SLAMF1: variants seen among roughly 807,000 people sequenced by gnomAD.
The protein encoded by SLAMF1 is signaling lymphocytic activation molecule.
Under a neutral mutation model 35.1 loss-of-function variants are expected in SLAMF1, and 18 were observed. The ratio of observed to expected loss-of-function variants is 0.51; its 90% CI spans 0.35 to 0.76. The LOEUF is 0.76. Ranked by LOEUF, SLAMF1 falls within the 30% of genes least tolerant of loss-of-function variation. The pLI is 0.01. For synonymous variants in SLAMF1, 168 were observed against 157.2 expected, an observed-to-expected ratio of 1.07 and a Z score of -0.51; for missense variants, 392 against 413.0, an observed-to-expected ratio of 0.95 and a Z score of 0.44.
chr1:160,624,539 G>A (rs1659781733), intron 3 of SLAMF1, among the ~76,000 whole-genome samples: 1 of 152,158 alleles, frequency 6.6e-6, no homozygotes. Flanking sequence ...AATGTGTCCT[G>A]TATCCATTTT....
At chr1:160,630,768 G>C (rs1660123958) in intron 3 of SLAMF1, among the ~76,000 whole-genome samples, 1 of 151,970 alleles carries the variant, frequency 6.6e-6, no homozygotes, top group Admixed American at 6.6e-5. Flanking sequence ...AAGACTGATG[G>C]TGTCACTCCT....
chr1:160,641,742 G>A (rs1469375143), intron 1 of SLAMF1, among the ~76,000 whole-genome samples: 1 of 152,170 alleles, frequency 6.6e-6, no homozygotes, highest in Non-Finnish European at 1.5e-5. Context: ...GGGCTTTAAA[G>A]TGGTTCATAA....
intron 1 of SLAMF1, among the ~76,000 whole-genome samples, chr1:160,640,337 T>TA (rs1391155534): frequency 7.8e-6 from 1 of 128,626 alleles, no homozygotes; most frequent in African/African-American, 3.5e-5. Flanking sequence ...TATATATATA[T>TA]ATATATATAT....
chr1:160,616,869 A>G (rs1051551097), intron 5 of SLAMF1, among the ~76,000 whole-genome samples: 11 of 152,222 alleles, frequency 7.2e-5, no homozygotes, highest in African/African-American at 2.7e-4. Flanking sequence ...ATGCATAGCA[A>G]TTGAGGCCAG....
intron 3 of SLAMF1, among the ~76,000 whole-genome samples, chr1:160,629,628 C>G (rs1042602686): frequency 1.3e-5 from 2 of 152,158 alleles, no homozygotes; most frequent in African/African-American, 4.8e-5. Context: ...ACGGAGTTCA[C>G]AGCTTCCAGA....
At chr1:160,616,290 T>C (rs955591262) in intron 5 of SLAMF1, among the ~76,000 whole-genome samples, 1 of 152,266 alleles carries the variant, frequency 6.6e-6, no homozygotes, top group South Asian at 2.1e-4. Context: ...TTACTTATTT[T>C]TTTAAGGACA....
intron 6 of SLAMF1, 76 bp downstream of exon 6, chr1:160,612,410 TAA>T (rs200238058): frequency 5.6e-5 from 44 of 780,042 alleles, no homozygotes; most frequent in Admixed American, 8.5e-5. Context: ...CTTCCCACCT[TAA>T]AAAAAAAAAA....
At chr1:160,626,764 CT>C (rs1558008222) in intron 3 of SLAMF1, among the ~76,000 whole-genome samples, 1 of 152,080 alleles carries the variant, frequency 6.6e-6, no homozygotes, top group African/African-American at 2.4e-5. Context: ...TGACTCAAAC[CT>C]TTTGAGTCAA....
chr1:160,634,563 T>G (rs1310047058), intron 3 of SLAMF1, 50 bp downstream of exon 3: 10 of 1,527,676 alleles, frequency 6.5e-6, no homozygotes, highest in African/African-American at 1.4e-5. Flanking sequence ...ATGTGAAGAC[T>G]GAGCCCATGC....
intron 1 of SLAMF1, among the ~76,000 whole-genome samples, chr1:160,640,370 A>ACG (rs1262363577): frequency 7.2e-6 from 1 of 139,192 alleles, no homozygotes; most frequent in East Asian, 2.1e-4. Context: ...ACACACACAC[A>ACG]CACACATATA....
Position 160,634,794 on chromosome 1 carries a change from A to G in SLAMF1, c.519T>C (p.Ala173=), listed in dbSNP as rs199755735. The change falls in exon 3 of 7, where the codon GCT becomes GCC. Residue 173 remains alanine (A), a synonymous_variant. Transcript: ENST00000302035. ...GCTVEKGDHV[A]YSWSEKAGTH... is the part of the protein sequence containing the mutation. ...TGCCCGCCTTTTCACTCCAGCTGTA[A>G]GCCACATGGTCCCCCTTCTCCACTG... The G allele has an allele frequency of 4.3e-5, 69 of 1,614,060 alleles. No homozygotes were observed. In the Admixed American group the frequency reaches 6.2e-4, roughly 14 times the overall value.
At chr1:160,632,951 G>T (rs1323213277) in intron 3 of SLAMF1, among the ~76,000 whole-genome samples, 2 of 152,104 alleles carry the variant, frequency 1.3e-5, no homozygotes, top group Non-Finnish European at 2.9e-5. Flanking sequence ...GTGAAGTGGG[G>T]ATACTATCAA....
rs375445054 is a variant in SLAMF1 at position 160,620,322 on chromosome 1, T to A, written c.791-473A>T. ...TAGTATGTTGCTTCACTCACAGCTTTCTCACCTCCCTATTTCTGGGGGAAT... is the reference window on the plus strand; with the variant it reads ...TAGTATGTTGCTTCACTCACAGCTTACTCACCTCCCTATTTCTGGGGGAAT... On this transcript the variant is annotated intron_variant, in intron 4 of 6. Coordinates refer to ENST00000302035, the MANE Select transcript of SLAMF1 (RefSeq NM_003037.5). Among the ~76,000 whole-genome samples, 116 of 152,262 alleles carry A rather than the reference T, an allele frequency of 7.6e-4. 1 individual carries two copies. The Middle Eastern group carries it at 0.01, about 13-fold the overall frequency.
intron 4 of SLAMF1, among the ~76,000 whole-genome samples, chr1:160,622,556 GTCTATCTGTCTATGTA>G (rs553778453): frequency 1.1e-4 from 16 of 152,272 alleles, no homozygotes; most frequent in Admixed American, 2.0e-4. Context: ...TAAGAGATCT[GTCTATCTGTCTATGTA>G]TCTATCTGTC....
chr1:160,622,680 T>A (rs1207412188), intron 4 of SLAMF1, among the ~76,000 whole-genome samples: 1 of 152,224 alleles, frequency 6.6e-6, no homozygotes, highest in African/African-American at 2.4e-5. Context: ...ATGAAGTACA[T>A]AGTATTACCC....
Position 160,610,664 on chromosome 1 carries a change from GAA to G in SLAMF1, c.*82_*83del. ...CAGACGTGCAGCATGTCTGCCAGAG[GAA>G]ACTTGGGGCCTGTGGCCAAGTTCAG... is the stretch of plus-strand genomic sequence containing the variant. On this transcript the variant is annotated 3_prime_UTR_variant, in exon 7 of 7. Coordinates refer to ENST00000302035, the MANE Select transcript of SLAMF1 (RefSeq NM_003037.5). 7 of 940,668 alleles carry G rather than the reference GAA, an allele frequency of 7.4e-6. No homozygotes were observed. The South Asian group carries it at 9.3e-5, about 13-fold the overall frequency. 58.3% of individuals were successfully genotyped at this position (940,668 alleles called of 1,614,324 possible). A position where few individuals can be genotyped will look rare whatever the true frequency, so the allele number is the denominator to read the frequency against.
At chr1:160,639,526 C>CT (rs1447639357) in intron 1 of SLAMF1, among the ~76,000 whole-genome samples, 1 of 152,182 alleles carries the variant, frequency 6.6e-6, no homozygotes, top group East Asian at 1.9e-4. Flanking sequence ...TGTGCCCAGC[C>CT]ATACTCCACA....
chr1:160,623,622 A>C (rs941502436), intron 4 of SLAMF1: 1 of 399,000 alleles, frequency 2.5e-6, no homozygotes, highest in Non-Finnish European at 4.4e-6. Flanking sequence ...ATTGTATCAT[A>C]GGGAAATTTG....
chr1:160,634,497 G>T, intron 3 of SLAMF1, 116 bp downstream of exon 3: 1 of 1,421,374 alleles, frequency 7.0e-7, no homozygotes, highest in Non-Finnish European at 9.5e-7. Context: ...AAACTATAAA[G>T]AAAATGTAAA....
Sources: gnomAD v4.1 joint callset for allele counts (sites outside exome capture counted in the v4.1 genomes callset) on GRCh38, gnomAD v4.1.1 for gene constraint, MANE v1.5 for transcripts, NCBI Gene and HGNC (gene_info 2026-07-23, HGNC 2026-07-21) for gene names.